ACSL3: variants seen among roughly 807,000 people sequenced by gnomAD.
ACSL3 encodes acyl-CoA synthetase long chain family member 3.
A neutral mutation model predicts 84.7 loss-of-function variants in ACSL3; 34 were observed. The ratio of observed to expected loss-of-function variants is 0.40; its 90% CI spans 0.31 to 0.53. The LOEUF (loss-of-function observed/expected upper bound fraction) is 0.53. Among genes scored for constraint, ACSL3 ranks in the 20% least tolerant of loss-of-function variants. The pLI, the probability that ACSL3 is intolerant of heterozygous loss-of-function variation, is 0.48. For synonymous variants in ACSL3, 315 were observed against 299.4 expected (o/e 1.05, Z -0.54); for missense variants, 680 against 873.1 (o/e 0.78, Z 2.79).
At chr2:222,888,164 T>G (rs1695766621) in intron 2 of ACSL3, among the ~76,000 whole-genome samples, 1 of 152,172 alleles carries the variant, frequency 6.6e-6, no homozygotes, top group African/African-American at 2.4e-5. Context: ...TTATTTTGGA[T>G]AGTTTAGCAT....
chr2:222,894,280 G>A (rs1334595969), intron 2 of ACSL3, among the ~76,000 whole-genome samples: 1 of 152,122 alleles, frequency 6.6e-6, no homozygotes, highest in Non-Finnish European at 1.5e-5. Flanking sequence ...CAAGTCACCT[G>A]TGTTCTTCCT....
At position 222,944,635 on chromosome 2, in the gene ACSL3, T is replaced by C. The variant is rs1257123995; in HGVS notation, c.*2981T>C. The C allele has an allele frequency of 6.7e-6, 1 of 149,802 alleles. No homozygotes were observed. The highest frequency in any genetic ancestry group is 2.5e-5 in the African/African-American group (1 of 40,694). The allele number at this position is 149,802 out of a possible 1,614,324, so 9.3% of individuals were successfully genotyped here. On this transcript the variant is annotated 3_prime_UTR_variant, in exon 17 of 17. Coordinates refer to ENST00000357430, the MANE Select transcript of ACSL3 (RefSeq NM_004457.5). ...TCTATAAAAGTTGAAGTTTCTGATA[T>C]TAAAGCTCTTAATATATTGGCTTTT...
Position 222,910,988 on chromosome 2 carries a change from C to G in ACSL3, c.378+1838C>G, listed in dbSNP as rs184012114. 3.8e-3 allele frequency among the ~76,000 whole-genome samples: 578 copies of G among 151,664 alleles called. 2 individuals carry two copies. Among genetic ancestry groups the G allele is most frequent in the Middle Eastern group, 0.02 (6 of 294 alleles). Reference sequence around the variant, plus strand: ...TTTCCAGCCTATGGATTGTAATTTCCAAAACATTTTATCATAATGAAGTTT... The same window carrying G: ...TTTCCAGCCTATGGATTGTAATTTCGAAAACATTTTATCATAATGAAGTTT... On this transcript the variant is annotated intron_variant, in intron 4 of 16. Coordinates refer to ENST00000357430, the MANE Select transcript of ACSL3 (RefSeq NM_004457.5).
Position 222,909,170 on chromosome 2 carries a change from C to A in ACSL3, c.378+20C>A, listed in dbSNP as rs1696375713. 2 of 1,580,298 alleles carry A rather than the reference C, an allele frequency of 1.3e-6. No individual in the cohort carries two copies. The highest frequency in any genetic ancestry group is 1.4e-5 in the African/African-American group (1 of 72,770). ...AAAAAGGTAAGATGATCTTTCATTG[C>A]CTTTGAATTCTTTCGAATAAAATAT... is the stretch of plus-strand genomic sequence containing the variant. On this transcript the variant is annotated intron_variant, in intron 4 of 16. Coordinates refer to ENST00000357430, the MANE Select transcript of ACSL3 (RefSeq NM_004457.5).
At position 222,918,199 on chromosome 2, in the gene ACSL3, T is replaced by C. The variant is rs115975943; in HGVS notation, c.666+44T>C. The stretch of plus-strand genomic sequence containing the variant: ...TTCTAACTGTCTGATACTTTAGAAT[T>C]TTCAGTGTCATGAGCCCTATTATTG... On this transcript the variant is annotated intron_variant, in intron 6 of 16. Coordinates refer to ENST00000357430, the MANE Select transcript of ACSL3 (RefSeq NM_004457.5). 1,099 of 1,350,984 alleles carry C rather than the reference T, an allele frequency of 8.1e-4. 2 individuals are homozygous for C. The highest frequency in any genetic ancestry group is 2.2e-3 in the South Asian group (180 of 81,230). 83.7% of individuals were successfully genotyped at this position (1,350,984 alleles called of 1,614,324 possible). A position where few individuals can be genotyped will look rare whatever the true frequency, so the allele number is the denominator to read the frequency against.
At chr2:222,883,748 G>T (rs1695653023) in intron 1 of ACSL3, among the ~76,000 whole-genome samples, 1 of 151,486 alleles carries the variant, frequency 6.6e-6, no homozygotes, top group African/African-American at 2.4e-5. Flanking sequence ...TGAATCTCTT[G>T]GATTAATTTA....
intron 11 of ACSL3, among the ~76,000 whole-genome samples, chr2:222,925,508 GTTTGGGCCCCCAGTGGGAGGATTA>G (rs948110237): frequency 3.9e-5 from 6 of 152,070 alleles, no homozygotes; most frequent in Non-Finnish European, 8.8e-5. Flanking sequence ...TAGGAGGATT[GTTTGGGCCCCCAGTGGGAGGATTA>G]TTTGGGCCTG....
intron 1 of ACSL3, among the ~76,000 whole-genome samples, chr2:222,874,274 C>G (rs967442504): frequency 1.4e-4 from 21 of 152,226 alleles, no homozygotes; most frequent in African/African-American, 5.1e-4. Context: ...ATCCGTCTGC[C>G]TCGGTCTCCC....
At chr2:222,870,894 T>C (rs1270709584) in intron 1 of ACSL3, among the ~76,000 whole-genome samples, 1 of 152,196 alleles carries the variant, frequency 6.6e-6, no homozygotes, top group African/African-American at 2.4e-5. Context: ...GGAATTGAGA[T>C]TCTTGAAGAG....
chr2:222,876,822 A>G (rs1695462869), intron 1 of ACSL3, among the ~76,000 whole-genome samples: 2 of 152,192 alleles, frequency 1.3e-5, no homozygotes, highest in Non-Finnish European at 2.9e-5. Flanking sequence ...CAAAGTTAAA[A>G]TACAGTTGTA....
chr2:222,899,577 A>T (rs1345854622), intron 2 of ACSL3, among the ~76,000 whole-genome samples: 1 of 152,228 alleles, frequency 6.6e-6, no homozygotes, highest in Non-Finnish European at 1.5e-5. Context: ...TGCGCAAGAA[A>T]GAATTCAGGG....
chr2:222,883,174 TTTTTTTTC>T (rs897538179), intron 1 of ACSL3, among the ~76,000 whole-genome samples: 8 of 151,534 alleles, frequency 5.3e-5, no homozygotes, highest in Non-Finnish European at 1.2e-4. Context: ...TCTGTTTTTT[TTTTTTTTC>T]TTTTTTTCTT....
At position 222,892,254 on chromosome 2, in the gene ACSL3, C is replaced by T. The variant is rs563171237; in HGVS notation, c.-148+4366C>T. Among the ~76,000 whole-genome samples the T allele has an allele frequency of 6.5e-4, 99 of 152,186 alleles. 1 individual carries two copies. The highest frequency in any genetic ancestry group is 1.0e-3 in the Non-Finnish European group (68 of 67,980). ...TTTGTAAGAATTTAAAACAACTGTC[C>T]TACTTTTAGGTCTGCTTTTTTTCGG... On this transcript the variant is annotated intron_variant, in intron 2 of 16. Coordinates refer to ENST00000357430, the MANE Select transcript of ACSL3 (RefSeq NM_004457.5).
intron 1 of ACSL3, among the ~76,000 whole-genome samples, chr2:222,870,157 G>A (rs1032252188): frequency 6.6e-6 from 1 of 151,690 alleles, no homozygotes; most frequent in Admixed American, 6.6e-5. Context: ...GATGGAGAGG[G>A]ATCTGCTTCA....
intron 1 of ACSL3, among the ~76,000 whole-genome samples, chr2:222,866,753 GCCC>G (rs1237425837): frequency 3.9e-3 from 73 of 18,706 alleles, no homozygotes; most frequent in African/African-American, 7.3e-3. Flanking sequence ...TGCCCCCCCC[GCCC>G]CCCCCCCCCC....
intron 8 of ACSL3, 136 bp from the exon 9 acceptor site, chr2:222,922,572 C>A: frequency 9.3e-7 from 1 of 1,074,128 alleles, no homozygotes; most frequent in Non-Finnish European, 1.3e-6. Context: ...CTCTCTCTCA[C>A]AAACACATAC....
At chr2:222,878,900 C>T (rs1695522643) in intron 1 of ACSL3, among the ~76,000 whole-genome samples, 1 of 152,208 alleles carries the variant, frequency 6.6e-6, no homozygotes, top group Admixed American at 6.5e-5. Flanking sequence ...CCTGTTTCTT[C>T]TGTGTCTACT....
At chr2:222,919,789 A>G (rs1322004887) in intron 7 of ACSL3, among the ~76,000 whole-genome samples, 1 of 152,234 alleles carries the variant, frequency 6.6e-6, no homozygotes, top group Non-Finnish European at 1.5e-5. Flanking sequence ...ATTAGATGTA[A>G]GCATTCACTC....
At chr2:222,888,502 G>A (rs1010707032) in intron 2 of ACSL3, among the ~76,000 whole-genome samples, 2 of 152,154 alleles carry the variant, frequency 1.3e-5, no homozygotes, top group African/African-American at 4.8e-5. Flanking sequence ...TGATGATGAC[G>A]TAAAGGCAGT....
Sources: gnomAD v4.1 joint callset for allele counts (sites outside exome capture counted in the v4.1 genomes callset) on GRCh38, gnomAD v4.1.1 for gene constraint, MANE v1.5 for transcripts, NCBI Gene and HGNC (gene_info 2026-07-23, HGNC 2026-07-21) for gene names.